Variants in NDP observed in about 807,000 individuals in gnomAD.
NDP encodes the protein norrin.
NDP carries 2 observed loss-of-function variants against 8.4 expected under a neutral mutation model. The observed-to-expected ratio is 0.24, with a 90% CI of 0.10 to 0.75. NDP has a LOEUF of 0.75. NDP is among the 30% of genes least tolerant of loss of function. NDP has a pLI of 0.73. For synonymous variants in NDP, 55 were observed against 45.6 expected, an observed-to-expected ratio of 1.21 and a Z score of -0.83; for missense variants, 81 against 110.1, an observed-to-expected ratio of 0.74 and a Z score of 1.18.
intron 1 of NDP, among the ~76,000 whole-genome samples, chrX:43,963,826 A>G (rs1370056716): frequency 8.9e-6 from 1 of 112,714 alleles, no homozygotes; most frequent in Non-Finnish European, 1.9e-5. Context: ...TGGATTTTAT[A>G]AAGCATCCTG....
At position 43,958,853 on chromosome X, in the gene NDP, C is replaced by G. The variant is rs2035810710; in HGVS notation, c.-207-1G>C. The G allele has an allele frequency of 7.0e-6, 3 of 427,997 alleles. No individual in the cohort carries two copies. In the African/African-American group the frequency reaches 7.4e-5, roughly 11 times the overall value. 35.3% of individuals were successfully genotyped at this position (427,997 alleles called of 1,213,427 possible). On this transcript the variant is annotated splice_acceptor_variant, in intron 1 of 2. Coordinates refer to ENST00000642620, the MANE Select transcript of NDP (RefSeq NM_000266.4). LOFTEE classifies it low-confidence loss of function (5UTR_SPLICE). ...CATCATCACAGTATCTGCTGCACAGCTGGAATGAAAACAGAAATTACTTTC... is the reference window on the plus strand; with the variant it reads ...CATCATCACAGTATCTGCTGCACAGGTGGAATGAAAACAGAAATTACTTTC...
chrX:43,966,708 G>A (rs2035859655), intron 1 of NDP: 2 of 112,092 alleles, frequency 1.8e-5, no homozygotes, highest in South Asian at 7.4e-4. Context: ...CTCAGGAGGA[G>A]AGGTGACCAA....
intron 1 of NDP, among the ~76,000 whole-genome samples, chrX:43,972,206 G>T (rs979572203): frequency 9.0e-6 from 1 of 111,491 alleles, no homozygotes; most frequent in African/African-American, 3.3e-5. Context: ...CTGTACAAGG[G>T]ACTCCCATCT....
rs772768452 is a variant in NDP at position 43,958,695 on chromosome X, C to CA, written c.-51dup. The CA allele has an allele frequency of 3.6e-6, 4 of 1,117,422 alleles. No homozygotes were observed. Among genetic ancestry groups the CA allele is most frequent in the Non-Finnish European group, 4.9e-6 (4 of 812,261 alleles). 92.1% of individuals were successfully genotyped at this position (1,117,422 alleles called of 1,213,427 possible). A position where few individuals can be genotyped will look rare whatever the true frequency, so the allele number is the denominator to read the frequency against. On this transcript the variant is annotated 5_prime_UTR_variant, in exon 2 of 3. Transcript: ENST00000642620. ...AAGAACAGCAGAGGGAGGCAGAGGA[C>CA]AAAAAATTGGAAATGGCTTCACCTC...
intron 1 of NDP, among the ~76,000 whole-genome samples, chrX:43,971,685 G>T (rs1423936484): frequency 9.0e-6 from 1 of 111,548 alleles, no homozygotes; most frequent in African/African-American, 3.3e-5. Context: ...GCTAACCGCA[G>T]TTTTTTTAAA....
intron 1 of NDP, among the ~76,000 whole-genome samples, chrX:43,964,396 A>G (rs1449788866): frequency 9.0e-6 from 1 of 111,656 alleles, no homozygotes; most frequent in East Asian, 2.8e-4. Flanking sequence ...GAGATGAGCC[A>G]ACTGTCAAAT....
intron 2 of NDP, among the ~76,000 whole-genome samples, chrX:43,952,200 C>T (rs186731871): frequency 9.0e-6 from 1 of 111,457 alleles, no homozygotes; most frequent in East Asian, 2.8e-4. Flanking sequence ...CAGTAGTACA[C>T]AGGCTAGTCC....
At chrX:43,971,084 G>A (rs1017300635) in intron 1 of NDP, among the ~76,000 whole-genome samples, 1 of 111,919 alleles carries the variant, frequency 8.9e-6, no homozygotes, top group African/African-American at 3.3e-5. Context: ...TAACAGGAAA[G>A]TTATTGCCCA....
intron 1 of NDP, among the ~76,000 whole-genome samples, chrX:43,968,522 C>G (rs1172842416): frequency 2.7e-5 from 3 of 112,569 alleles, no homozygotes; most frequent in Non-Finnish European, 5.6e-5. Flanking sequence ...GGATTTCCCA[C>G]CCTTTGTTTT....
chrX:43,958,439 G>T (rs747955834), intron 2 of NDP, 33 bp downstream of exon 2: 1 of 1,196,288 alleles, frequency 8.4e-7, no homozygotes, highest in South Asian at 1.8e-5. Flanking sequence ...GTTTCTGAGG[G>T]AAATGCTCTC....
chrX:43,958,917 G>A (rs1356842083), intron 1 of NDP, 65 bp from the exon 2 acceptor site: 5 of 346,811 alleles, frequency 1.4e-5, no homozygotes, highest in African/African-American at 1.3e-4. Context: ...TGGAACCCAG[G>A]AGGTATTAAG....
chrX:43,964,637 G>A (rs754423932), intron 1 of NDP, among the ~76,000 whole-genome samples: 15 of 111,169 alleles, frequency 1.3e-4, no homozygotes, highest in South Asian at 3.9e-4. Flanking sequence ...TTAGTGTTCC[G>A]TGTCCCTATA....
Position 43,949,801 on chromosome X carries a change from A to G in NDP, c.400T>C (p.Ter134ArgextTer44). Residue 134 changes from the stop codon to arginine, a stop_lost, in exon 3 of 3, where the codon TGA becomes CGA. Coordinates refer to ENST00000642620, the MANE Select transcript of NDP (RefSeq NM_000266.4). ...GAAGCCACACACAGCAGCGGGCCTC[A>G]GGAATTGCATTCCTCGCAGTGACAG... is the stretch of plus-strand genomic sequence containing the variant. ...LSCHCEECNS[*>R] The G allele has an allele frequency of 8.5e-7, 1 of 1,172,361 alleles. No homozygotes were observed. The highest frequency in any genetic ancestry group is 1.1e-6 in the Non-Finnish European group (1 of 874,767).
intron 1 of NDP, among the ~76,000 whole-genome samples, chrX:43,972,638 T>G (rs759063811): frequency 9.0e-6 from 1 of 111,227 alleles, no homozygotes; most frequent in African/African-American, 3.3e-5. Flanking sequence ...CCAATCAAAA[T>G]CATACAGTAA....
At chrX:43,971,788 T>C (rs943607245) in intron 1 of NDP, among the ~76,000 whole-genome samples, 7 of 111,987 alleles carry the variant, frequency 6.3e-5, no homozygotes, top group African/African-American at 1.9e-4. Context: ...TAAATTAACC[T>C]ATTCAAATAT....
At chrX:43,951,612 C>T (rs937965376) in intron 2 of NDP, among the ~76,000 whole-genome samples, 63 of 111,511 alleles carry the variant, frequency 5.6e-4, no homozygotes, top group African/African-American at 1.8e-3. Flanking sequence ...TGACATCATC[C>T]TGTAGGGCAG....
rs1348122624 is a variant in NDP at position 43,948,971 on chromosome X, T to G, written c.*828A>C. ...AAGCTATAGCACACCCACAAATAGATTCATACTTGGTTGTCTAATTTGCAT... is the reference window on the plus strand; with the variant it reads ...AAGCTATAGCACACCCACAAATAGAGTCATACTTGGTTGTCTAATTTGCAT... On this transcript the variant is annotated 3_prime_UTR_variant, in exon 3 of 3. Transcript: ENST00000642620. 9.0e-6 allele frequency: 1 copy of G among 111,644 alleles called. No individual in the cohort carries two copies. The highest frequency in any genetic ancestry group is 3.3e-5 in the African/African-American group (1 of 30,667). The allele number at this position is 111,644 out of a possible 1,213,427, so 9.2% of individuals were successfully genotyped here.
At chrX:43,970,817 A>G (rs1011098066) in intron 1 of NDP, among the ~76,000 whole-genome samples, 2 of 111,862 alleles carry the variant, frequency 1.8e-5, no homozygotes, top group South Asian at 7.5e-4. Flanking sequence ...CCCATCCCCA[A>G]TAGAGACAGC....
rs754511809 is a variant in NDP, at chrX:43,956,488, TTAAG to T, written c.174+1980_174+1983del. On this transcript the variant is annotated intron_variant, in intron 2 of 2. Transcript: ENST00000642620. Reference sequence around the variant, plus strand: ...AAGTCTCTAAAGGCAAACAATTTCATTAAGTGAGACCCATTAGAGAAAAGATCAG... The same window carrying T: ...AAGTCTCTAAAGGCAAACAATTTCATTGAGACCCATTAGAGAAAAGATCAG... Among the ~76,000 whole-genome samples, 375 of 111,909 alleles carry T rather than the reference TTAAG, an allele frequency of 3.4e-3. 1 individual carries two copies. In the Middle Eastern group the frequency reaches 0.037, roughly 11 times the overall value.
Sources: allele counts gnomAD v4.1 joint callset (sites outside exome capture counted in the v4.1 genomes callset), GRCh38; gene constraint gnomAD v4.1.1; transcripts MANE v1.5; gene names NCBI Gene and HGNC (gene_info 2026-07-23, HGNC 2026-07-21).